Variants in NKAIN3 observed in about 807,000 individuals in gnomAD.
NKAIN3 encodes sodium/potassium-transporting ATPase subunit beta-1-interacting protein 3.
A neutral mutation model predicts 30.2 loss-of-function variants in NKAIN3; 25 were observed. The observed-to-expected ratio is 0.83, with a 90% CI of 0.60 to 1.16. The LOEUF is 1.16. NKAIN3 is among the 50% of genes most tolerant of loss of function. The pLI, the probability that NKAIN3 is intolerant of heterozygous loss-of-function variation, is 0.00. For missense variants in NKAIN3, 225 were observed against 254.1 expected (o/e 0.89, Z 0.78); for synonymous variants, 91 against 89.6 (o/e 1.02, Z -0.09).
chr8:62,251,357 G>A (rs542836678), intron 1 of NKAIN3, among the ~76,000 whole-genome samples: 1 of 152,068 alleles, frequency 6.6e-6, no homozygotes, highest in South Asian at 2.1e-4. Flanking sequence ...GCTCTCTGTT[G>A]ACAAATGATA....
intron 1 of NKAIN3, among the ~76,000 whole-genome samples, chr8:62,291,225 G>T (rs1458134750): frequency 3.3e-5 from 5 of 152,046 alleles, no homozygotes; most frequent in African/African-American, 4.8e-5. Flanking sequence ...GGGTTTTTGT[G>T]TCTCTATCTC....
chr8:62,411,588 C>T (rs191862720), intron 1 of NKAIN3, among the ~76,000 whole-genome samples: 195 of 152,190 alleles, frequency 1.3e-3, no homozygotes, highest in African/African-American at 4.6e-3. Flanking sequence ...TTAAAGGCAT[C>T]GAAATAGGAA....
chr8:62,608,401 G>A (rs1280280828), intron 3 of NKAIN3, among the ~76,000 whole-genome samples: 1 of 152,092 alleles, frequency 6.6e-6, no homozygotes, highest in Non-Finnish European at 1.5e-5. Context: ...AAATGTTTGT[G>A]GGGCTTTCTC....
At chr8:62,459,448 A>G (rs1402102404) in intron 1 of NKAIN3, among the ~76,000 whole-genome samples, 3 of 152,210 alleles carry the variant, frequency 2.0e-5, no homozygotes, top group Admixed American at 2.0e-4. Context: ...GTACATGTCT[A>G]TGGAGTGCCT....
At chr8:62,632,833 C>A (rs1056942798) in intron 3 of NKAIN3, among the ~76,000 whole-genome samples, 2 of 152,140 alleles carry the variant, frequency 1.3e-5, no homozygotes, top group African/African-American at 4.8e-5. Context: ...CCTGAAGGAT[C>A]ATGCTTCTCA....
At chr8:62,341,686 GA>G (rs1229687148) in intron 1 of NKAIN3, among the ~76,000 whole-genome samples, 1 of 151,134 alleles carries the variant, frequency 6.6e-6, no homozygotes. Flanking sequence ...AGATCCACAG[GA>G]AAAAAATTCT....
intron 1 of NKAIN3, among the ~76,000 whole-genome samples, chr8:62,298,385 A>C (rs1216175445): frequency 6.6e-6 from 1 of 152,132 alleles, no homozygotes; most frequent in African/African-American, 2.4e-5. Flanking sequence ...GGCATGCCCC[A>C]GTATCAAACC....
intron 4 of NKAIN3, chr8:62,863,258 T>G: frequency 6.4e-7 from 1 of 1,564,012 alleles, no homozygotes; most frequent in Non-Finnish European, 8.7e-7. Context: ...TTTTTGTTTT[T>G]AGATATTTTT....
chr8:62,792,150 C>T (rs994516209), intron 4 of NKAIN3, among the ~76,000 whole-genome samples: 9 of 152,118 alleles, frequency 5.9e-5, no homozygotes, highest in Admixed American at 5.2e-4. Context: ...GTGAATACTC[C>T]TAAATATCTC....
At chr8:62,569,518 G>A (rs1809859899) in intron 1 of NKAIN3, among the ~76,000 whole-genome samples, 1 of 152,118 alleles carries the variant, frequency 6.6e-6, no homozygotes, top group South Asian at 2.1e-4. Context: ...GCTCATGCCT[G>A]TAATCCCAGC....
intron 3 of NKAIN3, among the ~76,000 whole-genome samples, chr8:62,667,668 T>C (rs2130378285): frequency 6.6e-6 from 1 of 152,156 alleles, no homozygotes; most frequent in African/African-American, 2.4e-5. Context: ...ACCCCGCTGG[T>C]GCTTTCCTCA....
chr8:62,307,106 G>T (rs1814269815), intron 1 of NKAIN3, among the ~76,000 whole-genome samples: 1 of 149,830 alleles, frequency 6.7e-6, no homozygotes, highest in Non-Finnish European at 1.5e-5. Flanking sequence ...GGGCTGCCCT[G>T]GTGAATCTCC....
chr8:62,848,872 A>T (rs1193349600), intron 4 of NKAIN3, among the ~76,000 whole-genome samples: 1 of 152,162 alleles, frequency 6.6e-6, no homozygotes, highest in African/African-American at 2.4e-5. Context: ...TTCAATATGA[A>T]GGGATGTTAA....
chr8:62,320,869 A>C (rs1484131537), intron 1 of NKAIN3, among the ~76,000 whole-genome samples: 3 of 152,068 alleles, frequency 2.0e-5, no homozygotes, highest in Non-Finnish European at 4.4e-5. Context: ...CCTGAGTTTG[A>C]ATGTTGGCCT....
chr8:62,818,598 A>C (rs555189804), intron 4 of NKAIN3, among the ~76,000 whole-genome samples: 43 of 152,232 alleles, frequency 2.8e-4, no homozygotes, highest in Non-Finnish European at 5.0e-4. Flanking sequence ...AGCACCAATT[A>C]TGTGTCAAGC....
chr8:62,355,880 T>G (rs1816335817), intron 1 of NKAIN3, among the ~76,000 whole-genome samples: 1 of 152,210 alleles, frequency 6.6e-6, no homozygotes. Flanking sequence ...AATTTTATCT[T>G]AAATATAAAT....
At chr8:62,782,893 CTG>C (rs1444941857) in intron 4 of NKAIN3, among the ~76,000 whole-genome samples, 1 of 151,306 alleles carries the variant, frequency 6.6e-6, no homozygotes, top group Admixed American at 6.6e-5. Context: ...ACTAAGGTGA[CTG>C]TACATAGTAA....
At chr8:62,898,299 A>T (rs907196282) in intron 4 of NKAIN3, among the ~76,000 whole-genome samples, 10 of 152,216 alleles carry the variant, frequency 6.6e-5, no homozygotes, top group Non-Finnish European at 1.3e-4. Context: ...AATTGCAAAG[A>T]TATGAAACCA....
intron 4 of NKAIN3, among the ~76,000 whole-genome samples, chr8:62,749,018 T>A (rs1045320634): frequency 1.3e-5 from 2 of 152,132 alleles, no homozygotes; most frequent in African/African-American, 4.8e-5. Context: ...TGTAGGCTAT[T>A]TTAAGTTATA....
Sources: gnomAD v4.1 joint callset for allele counts (sites outside exome capture counted in the v4.1 genomes callset) on GRCh38, gnomAD v4.1.1 for gene constraint, MANE v1.5 for transcripts, NCBI Gene and HGNC (gene_info 2026-07-23, HGNC 2026-07-21) for gene names.